DMD: variants seen among roughly 807,000 people sequenced by gnomAD.
DMD encodes the protein mutant dystrophin.
DMD carries 63 observed loss-of-function variants against 330.1 expected under a neutral mutation model. The observed-to-expected ratio is 0.19, with a 90% CI of 0.16 to 0.24. DMD has a LOEUF of 0.24. Ranked by LOEUF, DMD falls within the 10% of genes least tolerant of loss-of-function variation. DMD has a pLI of 1.00. For synonymous variants in DMD, 1,223 were observed against 959.8 expected (o/e 1.27, Z -5.07); for missense variants, 3,344 against 2,684.1 (o/e 1.25, Z -5.43).
Position 31,147,408 on chromosome X carries a change from TCCCGGGGAC to T in DMD, c.10655_10663del (p.Ser3552_Asp3555delinsAsn). The T allele has an allele frequency of 4.1e-6, 5 of 1,209,612 alleles. 1 individual carries two copies. The Middle Eastern group carries it at 1.1e-3, about 278-fold the overall frequency. On this transcript the variant is annotated inframe_deletion, in exon 75 of 79. Transcript: ENST00000357033. ...CTTGGCCTCAGCAATGAGCTCAGCATCCCGGGGACTCTGGGGAGAGGTGGGCATCATTTC... is the reference window on the plus strand; with the variant it reads ...CTTGGCCTCAGCAATGAGCTCAGCATTCTGGGGAGAGGTGGGCATCATTTC...
At chrX:32,653,709 C>A (rs775301740) in intron 9 of DMD, among the ~76,000 whole-genome samples, 1 of 111,669 alleles carries the variant, frequency 9.0e-6, no homozygotes, top group East Asian at 2.8e-4. Flanking sequence ...TCATTGGTAG[C>A]TTGATGGGGA....
chrX:33,043,381 G>A (rs2094331550), intron 1 of DMD, among the ~76,000 whole-genome samples: 1 of 111,848 alleles, frequency 8.9e-6, no homozygotes, highest in Non-Finnish European at 1.9e-5. Flanking sequence ...GGTTTGGGCA[G>A]TCAAACAAAT....
intron 2 of DMD, among the ~76,000 whole-genome samples, chrX:32,851,876 G>C (rs981151704): frequency 1.8e-5 from 2 of 112,066 alleles, no homozygotes; most frequent in Non-Finnish European, 3.8e-5. Context: ...TATCCAGGGA[G>C]GTATCACCCA....
At chrX:31,344,045 G>A (rs1488438532) in intron 61 of DMD, among the ~76,000 whole-genome samples, 9 of 93,372 alleles carry the variant, frequency 9.6e-5, no homozygotes, top group Non-Finnish European at 6.9e-5. Context: ...TGCGGGGGGG[G>A]GTGGATTATG....
intron 1 of DMD, among the ~76,000 whole-genome samples, chrX:33,335,865 A>G (rs1240709016): frequency 9.0e-6 from 1 of 110,831 alleles, no homozygotes; most frequent in Non-Finnish European, 1.9e-5. Flanking sequence ...TATTGACCAG[A>G]CTCTTATGTC....
At chrX:32,553,312 T>A (rs1335764130) in intron 16 of DMD, among the ~76,000 whole-genome samples, 2 of 111,133 alleles carry the variant, frequency 1.8e-5, no homozygotes, top group African/African-American at 6.6e-5. Flanking sequence ...ACTAACACAA[T>A]AACACAAAAT....
At chrX:33,065,804 A>G (rs2094644989) in intron 1 of DMD, among the ~76,000 whole-genome samples, 1 of 112,294 alleles carries the variant, frequency 8.9e-6, no homozygotes, top group Non-Finnish European at 1.9e-5. Context: ...TCATATTACA[A>G]TGCCCTACAT....
At chrX:32,836,814 TTG>T (rs1489968886) in intron 4 of DMD, among the ~76,000 whole-genome samples, 5 of 112,437 alleles carry the variant, frequency 4.4e-5, no homozygotes, top group African/African-American at 1.6e-4. Flanking sequence ...TTTTGAAAGT[TTG>T]TGTGTATTTA....
chrX:32,841,738 G>C (rs1469441843), intron 4 of DMD, among the ~76,000 whole-genome samples: 1 of 111,889 alleles, frequency 8.9e-6, no homozygotes, highest in East Asian at 2.8e-4. Context: ...AAACGATAAT[G>C]GTTCTATAGA....
At chrX:31,544,130 C>T (rs771186942) in intron 55 of DMD, among the ~76,000 whole-genome samples, 1 of 110,619 alleles carries the variant, frequency 9.0e-6, no homozygotes, top group African/African-American at 3.3e-5. Context: ...CAAGACCAGT[C>T]CGGCTAACAT....
chrX:31,847,910 T>G (rs1004752792), intron 48 of DMD, among the ~76,000 whole-genome samples: 1 of 111,970 alleles, frequency 8.9e-6, no homozygotes, highest in African/African-American at 3.2e-5. Context: ...ATTTCACAGA[T>G]GCTGCAATTG....
chrX:32,058,940 C>T (rs775297760), intron 44 of DMD, among the ~76,000 whole-genome samples: 5 of 111,333 alleles, frequency 4.5e-5, no homozygotes, highest in Non-Finnish European at 7.6e-5. Context: ...CCATATGCTA[C>T]AATGTGGATG....
intron 44 of DMD, among the ~76,000 whole-genome samples, chrX:31,981,540 C>T (rs968011707): frequency 6.3e-5 from 7 of 110,873 alleles, no homozygotes; most frequent in Non-Finnish European, 1.3e-4. Flanking sequence ...AATTGAGGCT[C>T]GTGATAATGG....
chrX:33,043,206 C>T (rs1388466388), intron 1 of DMD, among the ~76,000 whole-genome samples: 1 of 111,816 alleles, frequency 8.9e-6, no homozygotes, highest in African/African-American at 3.3e-5. Flanking sequence ...TGACAAAAGG[C>T]TGCCAGAGTA....
intron 49 of DMD, among the ~76,000 whole-genome samples, chrX:31,824,668 A>G (rs1369997786): frequency 9.0e-6 from 1 of 111,630 alleles, no homozygotes; most frequent in Non-Finnish European, 1.9e-5. Flanking sequence ...TTTTAAAAGG[A>G]TAAAGCAGGA....
At chrX:31,305,425 A>G (rs1250002869) in intron 62 of DMD, among the ~76,000 whole-genome samples, 1 of 111,912 alleles carries the variant, frequency 8.9e-6, no homozygotes, top group African/African-American at 3.2e-5. Context: ...CCGAGGAGAC[A>G]CCTGGATTGC....
intron 2 of DMD, among the ~76,000 whole-genome samples, chrX:33,010,100 A>G (rs752510435): frequency 1.0e-5 from 1 of 96,360 alleles, no homozygotes; most frequent in Non-Finnish European, 2.1e-5. Flanking sequence ...ATATACATGT[A>G]TATGCACATA....
intron 2 of DMD, among the ~76,000 whole-genome samples, chrX:32,854,780 T>C (rs1170199752): frequency 9.0e-6 from 1 of 111,117 alleles, no homozygotes; most frequent in Non-Finnish European, 1.9e-5. Flanking sequence ...AAACACCTAA[T>C]ACTCAAACTA....
chrX:32,521,800 G>A (rs1049977589), intron 17 of DMD, among the ~76,000 whole-genome samples: 1 of 111,817 alleles, frequency 8.9e-6, no homozygotes, highest in Non-Finnish European at 1.9e-5. Flanking sequence ...ACTGAATTTT[G>A]TGCCCCACAA....
Sources: allele counts gnomAD v4.1 joint callset (sites outside exome capture counted in the v4.1 genomes callset), GRCh38; gene constraint gnomAD v4.1.1; transcripts MANE v1.5; gene names NCBI Gene and HGNC (gene_info 2026-07-23, HGNC 2026-07-21).